NTSR2: variants seen among roughly 807,000 people sequenced by gnomAD.
The protein encoded by NTSR2 is neurotensin receptor type 2.
NTSR2 carries 22 observed loss-of-function variants against 24.1 expected under a neutral mutation model. That is an observed-to-expected ratio of 0.91 (90% CI 0.65 to 1.30). The LOEUF is 1.30. NTSR2 is among the 50% of genes most tolerant of loss of function. The probability of loss-of-function intolerance (pLI) is 0.00; values close to 1 mark genes in which losing one functional copy is unlikely to be tolerated. For missense variants in NTSR2, 570 were observed against 570.4 expected, an observed-to-expected ratio of 1.00 and a Z score of 0.01; for synonymous variants, 291 against 267.0, an observed-to-expected ratio of 1.09 and a Z score of -0.88.
rs770696565 is a variant in NTSR2 at position 11,658,531 on chromosome 2, G to A, written c.1181C>T (p.Thr394Ile). 2.5e-6 allele frequency: 4 copies of A among 1,614,062 alleles called. No homozygotes were observed. Among genetic ancestry groups the A allele is most frequent in the Non-Finnish European group, 1.7e-6 (2 of 1,180,044 alleles). ...KRLPPKPQSP[T>I]LMDTASGFGD... is the part of the protein sequence containing the mutation. ...AAAGCCTGAAGCTGTATCCATTAGG[G>A]TGGGACTCTGGGGCTTCGGGGGTAA... is the stretch of plus-strand genomic sequence containing the variant. Residue 394 changes from threonine (T) to isoleucine (I), a missense_variant, in exon 4 of 4, where the codon ACC becomes ATC. Physicochemically the swap from Thr to Ile is moderately conservative, Grantham distance 89. Transcript: ENST00000306928.
chr2:11,667,775 C>T (rs1661235875), intron 1 of NTSR2, among the ~76,000 whole-genome samples: 1 of 152,246 alleles, frequency 6.6e-6, no homozygotes, highest in African/African-American at 2.4e-5. Context: ...CCATACTCCA[C>T]ATCCACGGGA....
chr2:11,659,534 T>C (rs1051191692), intron 3 of NTSR2, among the ~76,000 whole-genome samples: 3 of 152,204 alleles, frequency 2.0e-5, no homozygotes, highest in African/African-American at 7.2e-5. Flanking sequence ...CTCGATTCTT[T>C]TGGATGTTTG....
At chr2:11,663,244 A>T (rs1167287626) in intron 1 of NTSR2, among the ~76,000 whole-genome samples, 2 of 152,230 alleles carry the variant, frequency 1.3e-5, no homozygotes, top group South Asian at 4.1e-4. Context: ...ATAAAGAGGA[A>T]GACCTGTCAT....
At chr2:11,664,153 G>T (rs543107633) in intron 1 of NTSR2, among the ~76,000 whole-genome samples, 1 of 144,544 alleles carries the variant, frequency 6.9e-6, no homozygotes. Context: ...TTGAGACGAG[G>T]TCGCCCAGAC....
At chr2:11,662,545 GC>G (rs1382184164) in intron 1 of NTSR2, among the ~76,000 whole-genome samples, 1 of 152,206 alleles carries the variant, frequency 6.6e-6, no homozygotes, top group Non-Finnish European at 1.5e-5. Context: ...ACTTTGGGAG[GC>G]CGAGGCGGGC....
rs1422395856 is a variant in NTSR2 at position 11,658,627 on chromosome 2, GAC to G, written c.1083_1084del (p.Ser362LeufsTer55). 2 of 1,614,178 alleles carry G rather than the reference GAC, an allele frequency of 1.2e-6. No individual in the cohort carries two copies. Among genetic ancestry groups the G allele is most frequent in the Middle Eastern group, 3.3e-4 (2 of 6,062 alleles). On this transcript the variant is annotated frameshift_variant, in exon 4 of 4. Transcript: ENST00000306928. LOFTEE classifies it low-confidence loss of function (END_TRUNC). ...CAGGAAGAGTTTTCTGAAGGAGGAG[GAC>G]ACGGCGTTGTAGAGAAGAGGAGTCA...
At position 11,670,140 on chromosome 2, in the gene NTSR2, C is replaced by T; in HGVS notation, c.-11G>A. On this transcript the variant is annotated 5_prime_UTR_variant, in exon 1 of 4. Coordinates refer to ENST00000306928, the MANE Select transcript of NTSR2 (RefSeq NM_012344.4). The stretch of plus-strand genomic sequence containing the variant: ...GCTGCTGGTTTCCATCCCGCTCCCG[C>T]GGCCGGCGCTCCCTCCCTCTCACTG... The T allele has an allele frequency of 7.3e-7, 1 of 1,365,078 alleles. No homozygotes were observed. Among genetic ancestry groups the T allele is most frequent in the Non-Finnish European group, 9.4e-7 (1 of 1,066,856 alleles). The allele number at this position is 1,365,078 out of a possible 1,614,324, so 84.6% of individuals were successfully genotyped here.
At position 11,669,692 on chromosome 2, in the gene NTSR2, C is replaced by T. The variant is rs779905079; in HGVS notation, c.438G>A (p.Leu146=). ...GCCACCGGGTCCGGCGTGGCGTCAG[C>T]AGGCTGCGGGCACGCAGGGGCTGGC... is the stretch of plus-strand genomic sequence containing the variant. ...AVCQPLRARS[L]LTPRRTRWLV... Residue 146 remains leucine, a synonymous_variant, in exon 1 of 4, where the codon CTG becomes CTA. Coordinates refer to ENST00000306928, the MANE Select transcript of NTSR2 (RefSeq NM_012344.4). 6.5e-7 allele frequency: 1 copy of T among 1,531,602 alleles called. No individual in the cohort carries two copies. The allele number at this position is 1,531,602 out of a possible 1,614,324, so 94.9% of individuals were successfully genotyped here.
rs1660984003 is a variant in NTSR2 at position 11,658,530 on chromosome 2, G to C, written c.1182C>G (p.Thr394=). 6.2e-7 allele frequency: 1 copy of C among 1,614,056 alleles called. No individual in the cohort carries two copies. Among genetic ancestry groups the C allele is most frequent in the African/African-American group, 1.3e-5 (1 of 74,924 alleles). ...KRLPPKPQSP[T]LMDTASGFGD... is the part of the protein sequence containing the mutation. ...CAAAGCCTGAAGCTGTATCCATTAG[G>C]GTGGGACTCTGGGGCTTCGGGGGTA... The change falls in exon 4 of 4, where the codon ACC becomes ACG. Residue 394 remains threonine (T), a synonymous_variant. Transcript: ENST00000306928.
At chr2:11,669,454 AGCACC>A in intron 1 of NTSR2, 47 bp downstream of exon 1, 4 of 227,116 alleles carry the variant, frequency 1.8e-5, no homozygotes, top group Admixed American at 5.8e-5. Context: ...CCCTCCTCCC[AGCACC>A]GCCCCCCCAC....
rs756871574 is a variant in NTSR2 at position 11,669,670 on chromosome 2, A to G, written c.460T>C (p.Trp154Arg). ...GCGGCCCACGAGAGCGCCACCAGCC[A>G]CCGGGTCCGGCGTGGCGTCAGCAGG... ...RSLLTPRRTR[W>R]LVALSWAASL... Residue 154 changes from tryptophan to arginine, a missense_variant, in exon 1 of 4, where the codon TGG becomes CGG. By Grantham distance (101) the Trp-to-Arg change is moderately radical. Coordinates refer to ENST00000306928, the MANE Select transcript of NTSR2 (RefSeq NM_012344.4). The G allele has an allele frequency of 1.3e-6, 2 of 1,541,656 alleles. No homozygotes were observed. Among genetic ancestry groups the G allele is most frequent in the South Asian group, 1.2e-5 (1 of 84,356 alleles).
Position 11,660,120 on chromosome 2 carries a change from G to T in NTSR2, c.912C>A (p.Val304=). ...ACGGCAGCCAGCAGATGACATACAT[G>T]ACCACGATGGCTCCTGCAGAGCATT... ...RSVQVLRAIV[V]MYVICWLPYH... The change falls in exon 3 of 4, where the codon GTC becomes GTA. Residue 304 remains valine (V), a synonymous_variant. Coordinates refer to ENST00000306928, the MANE Select transcript of NTSR2 (RefSeq NM_012344.4). 6.2e-7 allele frequency: 1 copy of T among 1,613,400 alleles called. No homozygotes were observed. Among genetic ancestry groups the T allele is most frequent in the South Asian group, 1.1e-5 (1 of 91,056 alleles).
intron 3 of NTSR2, among the ~76,000 whole-genome samples, chr2:11,659,463 T>C (rs1661023448): frequency 6.6e-6 from 1 of 152,258 alleles, no homozygotes; most frequent in South Asian, 2.1e-4. Flanking sequence ...TAAGGGGTGC[T>C]GGTGCCTCCT....
intron 1 of NTSR2, 69 bp from the exon 2 acceptor site, chr2:11,662,309 C>T: frequency 7.2e-7 from 1 of 1,396,428 alleles, no homozygotes; most frequent in South Asian, 1.8e-5. Context: ...CTGGCTGTGC[C>T]CCAGACCCGG....
intron 1 of NTSR2, chr2:11,665,937 G>A (rs1373471753): frequency 2.0e-5 from 3 of 153,708 alleles, no homozygotes; most frequent in Non-Finnish European, 2.9e-5. Flanking sequence ...GCTCCCACTT[G>A]CTGGACAGCT....
Position 11,669,613 on chromosome 2 carries a change from T to A in NTSR2, c.517A>T (p.Ile173Phe). 6.3e-7 allele frequency: 1 copy of A among 1,582,934 alleles called. No individual in the cohort carries two copies. Among genetic ancestry groups the A allele is most frequent in the Non-Finnish European group, 8.5e-7 (1 of 1,171,796 alleles). The change falls in exon 1 of 4, where the codon ATC becomes TTC. Residue 173 changes from isoleucine (I) to phenylalanine (F), a missense_variant. Coordinates refer to ENST00000306928, the MANE Select transcript of NTSR2 (RefSeq NM_012344.4). The stretch of plus-strand genomic sequence containing the variant: ...TCGAGTTCGTGCTTCTGCCCCATGA[T>A]GACGGCCATGGGCAGGGCGAGGCCG... ...SLGLALPMAV[I>F]MGQKHELETA...
intron 1 of NTSR2, among the ~76,000 whole-genome samples, chr2:11,666,296 A>ATG (rs1661197711): frequency 6.6e-6 from 1 of 152,148 alleles, no homozygotes; most frequent in Non-Finnish European, 1.5e-5. Context: ...CCAAACTCTC[A>ATG]CACCCCTTTG....
intron 1 of NTSR2, among the ~76,000 whole-genome samples, chr2:11,667,824 A>G (rs555666578): frequency 2.0e-4 from 31 of 152,342 alleles, no homozygotes; most frequent in African/African-American, 7.2e-4. Flanking sequence ...TGGAGCCCCC[A>G]GACCCACGGG....
Position 11,662,025 on chromosome 2 carries a change from C to T in NTSR2, c.840G>A (p.Leu280=). The part of the protein sequence containing the change: ...KTFIQGGQVS[L]VRHKDVRRIR... ...TCCGGCGCACGTCTTTATGTCTCAC[C>T]AGGCTGACCTGGCCTCCCTGGATAA... The change falls in exon 2 of 4, where the codon CTG becomes CTA. Residue 280 remains leucine (L), a synonymous_variant. Transcript: ENST00000306928. The T allele has an allele frequency of 6.2e-7, 1 of 1,613,000 alleles. No individual in the cohort carries two copies. Among genetic ancestry groups the T allele is most frequent in the Non-Finnish European group, 8.5e-7 (1 of 1,179,544 alleles).
Sources: allele counts gnomAD v4.1 joint callset (sites outside exome capture counted in the v4.1 genomes callset), GRCh38; gene constraint gnomAD v4.1.1; transcripts MANE v1.5; gene names NCBI Gene and HGNC (gene_info 2026-07-23, HGNC 2026-07-21).